Variants in PKD2 observed in about 807,000 individuals in gnomAD.
PKD2 encodes polycystin-2.
In PKD2, 48 loss-of-function variants were observed where a neutral mutation model predicts 105.9. The ratio of observed to expected loss-of-function variants is 0.45; its 90% CI spans 0.36 to 0.58. The LOEUF (loss-of-function observed/expected upper bound fraction) is 0.58, where lower values mean the gene tolerates loss of function less well. Among genes scored for constraint, PKD2 ranks in the 20% least tolerant of loss-of-function variants. The pLI is 0.00. For synonymous variants in PKD2, 464 were observed against 481.1 expected, an observed-to-expected ratio of 0.96 and a Z score of 0.46; for missense variants, 1,078 against 1,255.3, an observed-to-expected ratio of 0.86 and a Z score of 2.13.
At chr4:88,045,242 A>T (rs180997230) in intron 5 of PKD2, among the ~76,000 whole-genome samples, 1 of 152,236 alleles carries the variant, frequency 6.6e-6, no homozygotes, top group Non-Finnish European at 1.5e-5. Context: ...CTTGAAGGCC[A>T]CTTCCTTCCC....
At chr4:88,039,948 G>A (rs1458463227) in intron 4 of PKD2, among the ~76,000 whole-genome samples, 1 of 152,112 alleles carries the variant, frequency 6.6e-6, no homozygotes, top group African/African-American at 2.4e-5. Context: ...TTCCTGCAAA[G>A]CATAAGCATG....
Position 88,070,601 on chromosome 4 carries a change from T to TATAG in PKD2, c.2522+2541_2522+2542insTAGA, listed in dbSNP as rs1313482750. Among the ~76,000 whole-genome samples the TATAG allele has an allele frequency of 7.5e-3, 690 of 91,418 alleles. 8 individuals are homozygous for TATAG. Among genetic ancestry groups the TATAG allele is most frequent in the African/African-American group, 0.011 (261 of 23,918 alleles). 60.0% of individuals were successfully genotyped at this position (91,418 alleles called of 152,430 possible). A position where few individuals can be genotyped will look rare whatever the true frequency, so the allele number is the denominator to read the frequency against. On this transcript the variant is annotated intron_variant, in intron 13 of 14. Coordinates refer to ENST00000237596, the MANE Select transcript of PKD2 (RefSeq NM_000297.4). Reference sequence around the variant, plus strand: ...ATATATATATATATATATATATATATAGAGAGAGAGAGAGAGAGAGAGAGA... The same window carrying TATAG: ...ATATATATATATATATATATATATATATAGAGAGAGAGAGAGAGAGAGAGAGAGA...
At chr4:88,048,193 T>TA (rs1727845118) in intron 6 of PKD2, among the ~76,000 whole-genome samples, 1 of 152,242 alleles carries the variant, frequency 6.6e-6, no homozygotes. Context: ...TGATAGCCAT[T>TA]ACCTTCTGAA....
intron 6 of PKD2, among the ~76,000 whole-genome samples, chr4:88,050,678 G>C (rs1346582570): frequency 6.6e-6 from 1 of 152,034 alleles, no homozygotes; most frequent in Admixed American, 6.5e-5. Flanking sequence ...CAACCCAAAT[G>C]TTTTTCTACA....
chr4:88,040,000 C>T (rs1184201273), intron 4 of PKD2, among the ~76,000 whole-genome samples: 1 of 152,164 alleles, frequency 6.6e-6, no homozygotes, highest in Admixed American at 6.6e-5. Context: ...ATTTATCTCA[C>T]ATCACTAATA....
At chr4:88,047,838 A>G (rs1312775845) in intron 6 of PKD2, among the ~76,000 whole-genome samples, 2 of 152,178 alleles carry the variant, frequency 1.3e-5, no homozygotes, top group Admixed American at 6.5e-5. Context: ...TCTCTAAAAA[A>G]TAAAAATAAA....
intron 9 of PKD2, among the ~76,000 whole-genome samples, 164 bp from the exon 10 acceptor site, chr4:88,061,742 A>AC (rs1198321600): frequency 4.1e-4 from 62 of 152,204 alleles, no homozygotes; most frequent in Non-Finnish European, 8.8e-5. Flanking sequence ...TGTCTCAAAA[A>AC]AAAAAATTTT....
intron 1 of PKD2, among the ~76,000 whole-genome samples, chr4:88,009,080 C>T (rs1298145122): frequency 6.6e-6 from 1 of 152,142 alleles, no homozygotes; most frequent in Non-Finnish European, 1.5e-5. Context: ...GATGAAGTCA[C>T]CAGATAGCAG....
intron 13 of PKD2, among the ~76,000 whole-genome samples, chr4:88,069,890 C>T (rs1231560799): frequency 1.3e-5 from 2 of 152,108 alleles, no homozygotes; most frequent in African/African-American, 4.8e-5. Context: ...CTATTATAGA[C>T]CTTCAGATCC....
Position 88,068,027 on chromosome 4 carries a change from A to G in PKD2, c.2488A>G (p.Ile830Val). Residue 830 changes from isoleucine (I) to valine (V), a missense_variant, in exon 13 of 15, where the codon ATT (isoleucine) becomes GTT (valine). Transcript: ENST00000237596. ...ACATAGCTCCAGAAGGAGGGGAAGC[A>G]TTTCTAGTGGCGTTTCTTACGAAGA... is the stretch of plus-strand genomic sequence containing the variant. ...SGHSSRRRGS[I>V]SSGVSYEEFQ... The G allele has an allele frequency of 1.9e-6, 3 of 1,614,148 alleles. No homozygotes were observed. Among genetic ancestry groups the G allele is most frequent in the Non-Finnish European group, 2.5e-6 (3 of 1,179,984 alleles).
At position 88,074,920 on chromosome 4, in the gene PKD2, G is replaced by T. The variant is rs2110150864; in HGVS notation, c.2631G>T (p.Arg877Ser). 6.2e-7 allele frequency: 1 copy of T among 1,614,198 alleles called. No homozygotes were observed. The change falls in exon 14 of 15, where the codon AGG becomes AGT. Residue 877 changes from arginine (R) to serine (S), a missense_variant. By Grantham distance (110) the Arg-to-Ser change is moderately radical. Transcript: ENST00000237596. ...LEIMERAKLK[R>S]REVLGRLLDG... ...TTATGGAGCGAGCCAAACTGAAGAG[G>T]AGGGAGGTGCTGGGAAGGCTGTTGG...
intron 1 of PKD2, among the ~76,000 whole-genome samples, chr4:88,018,642 TG>T (rs1726642401): frequency 1.3e-5 from 2 of 152,220 alleles, no homozygotes; most frequent in Non-Finnish European, 2.9e-5. Context: ...TGTCTGCTGC[TG>T]GCTGAGTCCA....
Position 88,036,520 on chromosome 4 carries a change from G to A in PKD2, c.843+167G>A, listed in dbSNP as rs1031410633. 5 of 642,418 alleles carry A rather than the reference G, an allele frequency of 7.8e-6. No homozygotes were observed. In the African/African-American group the frequency reaches 9.8e-5, roughly 13 times the overall value. 39.8% of individuals were successfully genotyped at this position (642,418 alleles called of 1,614,324 possible). On this transcript the variant is annotated intron_variant, in intron 3 of 14. Coordinates refer to ENST00000237596, the MANE Select transcript of PKD2 (RefSeq NM_000297.4). ...GTTACTGTTCCTACTCTCAAAGGGG[G>A]TAAACTAACATTGAGAACTTTGCCT...
At chr4:88,042,305 G>A (rs1727594297) in intron 4 of PKD2, among the ~76,000 whole-genome samples, 1 of 152,230 alleles carries the variant, frequency 6.6e-6, no homozygotes, top group Admixed American at 6.5e-5. Context: ...GAGAGCTTGT[G>A]CAGGGAAAAT....
chr4:88,055,966 T>C (rs1578141589), intron 7 of PKD2, 120 bp from the exon 8 acceptor site: 7 of 751,694 alleles, frequency 9.3e-6, no homozygotes, highest in Non-Finnish European at 1.7e-5. Context: ...TTTTCAAGGT[T>C]CATCCATGTT....
Position 88,019,488 on chromosome 4 carries a change from G to T in PKD2, c.626G>T (p.Ser209Ile), listed in dbSNP as rs1726675715. The change falls in exon 2 of 15, where the codon AGC (serine) becomes ATC (isoleucine). Residue 209 changes from serine to isoleucine, a missense_variant. This residue lies in a region of PKD2 where 868 missense variants were observed against 1,067.3 expected (regional missense o/e 0.81). Transcript: ENST00000237596. ...GLWGTRLMEESSTNREKYLKS... is the reference protein window; with the variant it reads ...GLWGTRLMEEISTNREKYLKS... ...TGGGGAACAAGACTCATGGAGGAAA[G>T]CAGCACTAACCGAGAGAAATACCTT... The T allele has an allele frequency of 6.3e-7, 1 of 1,599,776 alleles. No homozygotes were observed. Among genetic ancestry groups the T allele is most frequent in the Admixed American group, 1.7e-5 (1 of 59,970 alleles).
At chr4:88,008,672 C>T (rs1369389410) in intron 1 of PKD2, among the ~76,000 whole-genome samples, 1 of 151,564 alleles carries the variant, frequency 6.6e-6, no homozygotes, top group Non-Finnish European at 1.5e-5. Flanking sequence ...ATGAACATTA[C>T]TTGTGTAACT....
chr4:88,065,815 A>G lies in PKD2; in HGVS notation c.2294A>G (p.Asp765Gly), dbSNP rs757930669. ...IEAIFTKYDQ[D>G]GDQELTEHEH... ...GCAATATTCACAAAGTACGACCAAG[A>G]TGGAGACCAAGAACTGACCGAACAT... Residue 765 changes from aspartate (D) to glycine (G), a missense_variant, in exon 12 of 15, where the codon GAT becomes GGT. Asp to Gly is a moderately conservative substitution (Grantham distance 94). This residue lies in a region of PKD2 where 868 missense variants were observed against 1,067.3 expected (regional missense o/e 0.81). Transcript: ENST00000237596. 10 of 1,613,926 alleles carry G rather than the reference A, an allele frequency of 6.2e-6. No homozygotes were observed. The highest frequency in any genetic ancestry group is 1.1e-5 in the South Asian group (1 of 91,076).
chr4:88,026,720 T>C (rs1726969090), intron 2 of PKD2, among the ~76,000 whole-genome samples: 1 of 152,154 alleles, frequency 6.6e-6, no homozygotes, highest in South Asian at 2.1e-4. Flanking sequence ...AACACAAGCC[T>C]GGAGGCCTAG....
Sources: allele counts gnomAD v4.1 joint callset (sites outside exome capture counted in the v4.1 genomes callset), GRCh38; gene constraint gnomAD v4.1.1; regional missense constraint gnomAD v4.1.1; transcripts MANE v1.5; gene names NCBI Gene and HGNC (gene_info 2026-07-23, HGNC 2026-07-21).